The following PDE4D variants were observed in gnomAD, a reference collection of about 807,000 sequenced individuals.
PDE4D encodes phosphodiesterase 4D, also known as 3',5'-cyclic-AMP phosphodiesterase 4D.
In PDE4D, 24 loss-of-function variants were observed where a neutral mutation model predicts 87.4. The observed-to-expected ratio is 0.27, with a 90% confidence interval of 0.20 to 0.39. The LOEUF (loss-of-function observed/expected upper bound fraction) is 0.39. PDE4D is among the 10% of genes least tolerant of loss of function. The pLI is 1.00. For synonymous variants in PDE4D, 384 were observed against 383.2 expected (o/e 1.00, Z -0.02); for missense variants, 714 against 1,041.0 (o/e 0.69, Z 4.32).
intron 2 of PDE4D, among the ~76,000 whole-genome samples, chr5:60,114,493 A>C (rs550321408): frequency 6.6e-6 from 1 of 152,252 alleles, no homozygotes; most frequent in Non-Finnish European, 1.5e-5. Flanking sequence ...TACAATCAGC[A>C]TCTCTCAGGA....
chr5:60,429,633 T>C (rs932971878), intron 1 of PDE4D, among the ~76,000 whole-genome samples: 1 of 152,194 alleles, frequency 6.6e-6, no homozygotes, highest in Admixed American at 6.5e-5. Flanking sequence ...TTTTGAGGTA[T>C]GTCCTTCAAT....
At chr5:59,636,080 A>C (rs982051218) in intron 1 of PDE4D, among the ~76,000 whole-genome samples, 1 of 55,790 alleles carries the variant, frequency 1.8e-5, no homozygotes, top group African/African-American at 7.6e-5. Flanking sequence ...AATCATTCCT[A>C]TACACAAATA....
chr5:59,608,267 T>C (rs1291532907), intron 1 of PDE4D, among the ~76,000 whole-genome samples: 1 of 152,258 alleles, frequency 6.6e-6, no homozygotes, highest in Admixed American at 6.5e-5. Flanking sequence ...TTTGCCTCTA[T>C]TTCTAATTCC....
At chr5:59,268,025 T>G (rs898118495) in intron 1 of PDE4D, among the ~76,000 whole-genome samples, 2 of 152,084 alleles carry the variant, frequency 1.3e-5, no homozygotes, top group African/African-American at 4.8e-5. Context: ...AGATGGTGGA[T>G]GCTTAGTTCA....
chr5:60,273,367 A>T (rs1054869588), intron 1 of PDE4D, among the ~76,000 whole-genome samples: 2 of 152,200 alleles, frequency 1.3e-5, no homozygotes. Flanking sequence ...CGGAAAATGC[A>T]TCCAGTTCAA....
At chr5:59,865,213 A>T (rs1383424991) in intron 1 of PDE4D, among the ~76,000 whole-genome samples, 2 of 152,340 alleles carry the variant, frequency 1.3e-5, no homozygotes, top group African/African-American at 4.8e-5. Context: ...TTTGGTGCAA[A>T]ACAATGTTTA....
chr5:59,872,812 A>G (rs578259449), intron 1 of PDE4D, among the ~76,000 whole-genome samples: 1 of 152,318 alleles, frequency 6.6e-6, no homozygotes, highest in East Asian at 1.9e-4. Flanking sequence ...GTAATTCAGT[A>G]GTACTGATCA....
intron 3 of PDE4D, among the ~76,000 whole-genome samples, chr5:59,963,839 C>G (rs1187973564): frequency 6.6e-6 from 1 of 152,108 alleles, no homozygotes; most frequent in Non-Finnish European, 1.5e-5. Context: ...AAAAATGCCT[C>G]TAAGATCCCA....
chr5:60,116,801 T>A (rs1444359121), intron 2 of PDE4D, among the ~76,000 whole-genome samples: 2 of 152,050 alleles, frequency 1.3e-5, no homozygotes, highest in African/African-American at 2.4e-5. Context: ...TAATATATTA[T>A]AATCAACTGA....
At chr5:59,267,783 T>C (rs1431296416) in intron 1 of PDE4D, among the ~76,000 whole-genome samples, 1 of 152,164 alleles carries the variant, frequency 6.6e-6, no homozygotes, top group East Asian at 1.9e-4. Flanking sequence ...AAGGGTACTT[T>C]GGAAGATGCA....
At chr5:59,669,008 G>A (rs1746719130) in intron 1 of PDE4D, among the ~76,000 whole-genome samples, 1 of 152,164 alleles carries the variant, frequency 6.6e-6, no homozygotes, top group African/African-American at 2.4e-5. Flanking sequence ...ATATTTGGAG[G>A]ACAGAATCAC....
In PDE4D at chr5:60,241,479, G is replaced by A. The variant is rs536068090; in HGVS notation, c.-89-55792C>T. ...AGTAGAGACGTGGTTTCACCATGTT[G>A]GCCAGGCTGGTCTCAAACTCCTGAA... On this transcript the variant is annotated intron_variant, in intron 1 of 16. Coordinates refer to the PDE4D transcript ENST00000502484. Among the ~76,000 whole-genome samples the A allele has an allele frequency of 2.6e-5, 4 of 151,920 alleles. No homozygotes were observed. The East Asian group carries it at 7.8e-4, about 30-fold the overall frequency.
rs183297482 is a variant in PDE4D, at chr5:59,413,246, A to C, written c.456-197278T>G. ...GCCAAGGTGGGCGGATCACGAGGTC[A>C]GGAGATCGAGACCATCCTGGCTAAC... On this transcript the variant is annotated intron_variant, in intron 1 of 14. Transcript: ENST00000340635. 2.6e-5 allele frequency among the ~76,000 whole-genome samples: 4 copies of C among 152,110 alleles called. No individual in the cohort carries two copies. In the East Asian group the frequency reaches 7.7e-4, roughly 29 times the overall value.
intron 1 of PDE4D, among the ~76,000 whole-genome samples, chr5:59,574,742 C>A (rs187474660): frequency 6.6e-6 from 1 of 152,248 alleles, no homozygotes; most frequent in East Asian, 1.9e-4. Flanking sequence ...GCAGTTATTT[C>A]TGATAAATGA....
chr5:60,366,488 G>A (rs1044207662), intron 1 of PDE4D, among the ~76,000 whole-genome samples: 3 of 152,176 alleles, frequency 2.0e-5, no homozygotes, highest in African/African-American at 7.2e-5. Context: ...TGAAATATAT[G>A]TAGGACCATC....
chr5:59,981,238 C>A (rs764458730), intron 3 of PDE4D, among the ~76,000 whole-genome samples: 1 of 152,020 alleles, frequency 6.6e-6, no homozygotes, highest in African/African-American at 2.4e-5. Flanking sequence ...GGTGACACAG[C>A]AAGACTCCGT....
At chr5:59,120,494 G>A (rs1774300151) in intron 5 of PDE4D, among the ~76,000 whole-genome samples, 1 of 151,974 alleles carries the variant, frequency 6.6e-6, no homozygotes, top group South Asian at 2.1e-4. Flanking sequence ...GAACATCACA[G>A]TTTATGGTAG....
At chr5:59,711,967 CA>C (rs1342158371) in intron 1 of PDE4D, among the ~76,000 whole-genome samples, 1 of 152,120 alleles carries the variant, frequency 6.6e-6, no homozygotes, top group East Asian at 1.9e-4. Context: ...TATTTGACTA[CA>C]ATTTCCTTTG....
intron 1 of PDE4D, among the ~76,000 whole-genome samples, chr5:59,363,919 C>T (rs1210030804): frequency 6.6e-6 from 1 of 152,130 alleles, no homozygotes; most frequent in Non-Finnish European, 1.5e-5. Flanking sequence ...AAAAGTGATC[C>T]TGTCAATGTT....
Sources: gnomAD v4.1 joint callset for allele counts (sites outside exome capture counted in the v4.1 genomes callset) on GRCh38, gnomAD v4.1.1 for gene constraint, MANE v1.5 for transcripts, NCBI Gene and HGNC (gene_info 2026-07-23, HGNC 2026-07-21) for gene names.